OTOGL: variants seen among roughly 807,000 people sequenced by gnomAD.
OTOGL encodes the protein otogelin like.
A neutral mutation model predicts 318.5 loss-of-function variants in OTOGL; 285 were observed. That is an observed-to-expected ratio of 0.89 (90% CI 0.81 to 0.99). The LOEUF is 0.99. Among genes scored for constraint, OTOGL ranks in the 50% least tolerant of loss-of-function variants. The pLI is 0.00. For synonymous variants in OTOGL, 987 were observed against 936.5 expected, an observed-to-expected ratio of 1.05 and a Z score of -0.99; for missense variants, 2,899 against 2,845.6, an observed-to-expected ratio of 1.02 and a Z score of -0.43.
chr12:80,186,677 C>T (rs1292993896), intron 1 of OTOGL, among the ~76,000 whole-genome samples: 2 of 152,086 alleles, frequency 1.3e-5, no homozygotes, highest in Admixed American at 6.6e-5. Context: ...TAACTGCTCT[C>T]CCCAACTCTT....
At chr12:80,338,320 A>G (rs1888536882) in intron 42 of OTOGL, among the ~76,000 whole-genome samples, 1 of 152,054 alleles carries the variant, frequency 6.6e-6, no homozygotes. Flanking sequence ...CTTAAAGAAT[A>G]AGTAGAAAGA....
chr12:80,251,618 G>A, intron 11 of OTOGL, 75 bp from the exon 12 acceptor site: 1 of 1,132,116 alleles, frequency 8.8e-7, no homozygotes, highest in South Asian at 1.4e-5. Flanking sequence ...AGCATTTCTA[G>A]GGATCAGGAC....
chr12:80,135,213 T>C (rs920448443), intron 1 of OTOGL, among the ~76,000 whole-genome samples: 8 of 149,398 alleles, frequency 5.4e-5, no homozygotes, highest in African/African-American at 9.8e-5. Context: ...TTGTAGTCCA[T>C]TACAAATCTC....
chr12:80,224,927 T>A (rs1878689210), intron 7 of OTOGL, among the ~76,000 whole-genome samples: 1 of 152,078 alleles, frequency 6.6e-6, no homozygotes, highest in Admixed American at 6.6e-5. Context: ...AAAGGATAAA[T>A]GTTTGAGGGG....
In OTOGL at chr12:80,318,703, GA is replaced by G; in HGVS notation, c.3794del (p.Lys1265ArgfsTer5). 2 of 1,283,006 alleles carry G rather than the reference GA, an allele frequency of 1.6e-6. No individual in the cohort carries two copies. The highest frequency in any genetic ancestry group is 2.0e-6 in the Non-Finnish European group (2 of 999,802). 79.5% of individuals were successfully genotyped at this position (1,283,006 alleles called of 1,614,324 possible). A position where few individuals can be genotyped will look rare whatever the true frequency, so the allele number is the denominator to read the frequency against. The part of the protein sequence containing the change: ...FMITPGLFKE[K>X]VSSLALVSLE... Reference sequence around the variant, plus strand: ...TGATCACTCCAGGCCTTTTCAAAGAGAAGGTATCATGTAAGTATAATTGAAA... The same window carrying G: ...TGATCACTCCAGGCCTTTTCAAAGAGAGGTATCATGTAAGTATAATTGAAA... On this transcript the variant is annotated frameshift_variant, in exon 33 of 59. Transcript: ENST00000547103. LOFTEE classifies it high-confidence loss of function.
At chr12:80,152,070 C>A (rs1872819178) in intron 1 of OTOGL, among the ~76,000 whole-genome samples, 1 of 152,152 alleles carries the variant, frequency 6.6e-6, no homozygotes, top group Non-Finnish European at 1.5e-5. Context: ...GAGAACAGTA[C>A]ATTCCATCTT....
At chr12:80,329,502 A>C (rs1887933640) in intron 37 of OTOGL, among the ~76,000 whole-genome samples, 1 of 152,216 alleles carries the variant, frequency 6.6e-6, no homozygotes, top group Non-Finnish European at 1.5e-5. Flanking sequence ...GTTTGATTAA[A>C]TCCCACTTAG....
In OTOGL at chr12:80,356,404, T is replaced by C. The variant is rs541943584; in HGVS notation, c.5807-12T>C. ...TGTTCACTAATATTTTAACAGTTTT[T>C]CTTATTTATAGGATGTGACACGACT... is the stretch of plus-strand genomic sequence containing the variant. On this transcript the variant is annotated splice_polypyrimidine_tract_variant and intron_variant, in intron 47 of 58. Coordinates refer to ENST00000547103, the MANE Select transcript of OTOGL (RefSeq NM_001378609.3). 1.1e-4 allele frequency: 177 copies of C among 1,593,406 alleles called. No homozygotes were observed. In the East Asian group the frequency reaches 3.9e-3, roughly 36 times the overall value.
At chr12:80,229,502 G>A in intron 8 of OTOGL, 124 bp downstream of exon 8, 3 of 1,294,630 alleles carry the variant, frequency 2.3e-6, no homozygotes, top group Non-Finnish European at 3.2e-6. Flanking sequence ...TACTCTTAAA[G>A]CTATAACATA....
At chr12:80,112,558 G>T (rs1227532278) in intron 1 of OTOGL, among the ~76,000 whole-genome samples, 1 of 152,100 alleles carries the variant, frequency 6.6e-6, no homozygotes, top group African/African-American at 2.4e-5. Flanking sequence ...ATTGATTTGT[G>T]CATGTTGAAC....
chr12:80,178,521 A>G (rs965022973), intron 1 of OTOGL, among the ~76,000 whole-genome samples: 1 of 152,156 alleles, frequency 6.6e-6, no homozygotes, highest in Non-Finnish European at 1.5e-5. Context: ...TATAAACTCT[A>G]GATGCCTTGG....
chr12:80,218,508 G>A (rs2137338710), intron 5 of OTOGL, among the ~76,000 whole-genome samples: 1 of 152,262 alleles, frequency 6.6e-6, no homozygotes, highest in Non-Finnish European at 1.5e-5. Context: ...TTCTCCTCAT[G>A]TGTTAAATTC....
chr12:80,159,980 A>G (rs778335366), intron 1 of OTOGL, among the ~76,000 whole-genome samples: 14 of 152,088 alleles, frequency 9.2e-5, no homozygotes, highest in Non-Finnish European at 1.8e-4. Flanking sequence ...GACAAAGCCA[A>G]TGGCATAAAG....
intron 1 of OTOGL, among the ~76,000 whole-genome samples, chr12:80,172,499 G>A (rs1456583163): frequency 6.6e-6 from 1 of 152,176 alleles, no homozygotes; most frequent in Non-Finnish European, 1.5e-5. Flanking sequence ...TGGTTCTGGA[G>A]AGGTGGGTGT....
At chr12:80,275,164 A>C (rs944336920) in intron 24 of OTOGL, among the ~76,000 whole-genome samples, 2 of 152,012 alleles carry the variant, frequency 1.3e-5, no homozygotes, top group African/African-American at 4.8e-5. Context: ...GGATCTGGGA[A>C]AAGAAAATTG....
At position 80,336,967 on chromosome 12, in the gene OTOGL, C is replaced by G; in HGVS notation, c.4823C>G (p.Pro1608Arg). The change falls in exon 42 of 59, where the codon CCC (proline) becomes CGC (arginine). Residue 1608 changes from proline (P) to arginine (R), a missense_variant. Transcript: ENST00000547103. ...LCFKKLNVTT[P>R]IHKIIVNRLA... ...TTTAAGAAGTTAAATGTGACAACAC[C>G]CATACATAAAATAATTGTCAATCGG... 1 of 1,593,420 alleles carries G rather than the reference C, an allele frequency of 6.3e-7. No individual in the cohort carries two copies. The highest frequency in any genetic ancestry group is 2.3e-5 in the East Asian group (1 of 44,310).
chr12:80,312,598 TAGACTAA>T (rs955842233), intron 30 of OTOGL, among the ~76,000 whole-genome samples: 25 of 152,140 alleles, frequency 1.6e-4, no homozygotes, highest in Non-Finnish European at 3.2e-4. Context: ...GCCACATAGG[TAGACTAA>T]AGTCTTGTTT....
intron 44 of OTOGL, among the ~76,000 whole-genome samples, chr12:80,342,974 C>G (rs1888876505): frequency 6.6e-6 from 1 of 152,106 alleles, no homozygotes; most frequent in South Asian, 2.1e-4. Flanking sequence ...CTCTGCCTCC[C>G]AGGTTCAAGT....
rs140334598 is a variant in OTOGL, at chr12:80,366,484, A to T, written c.6268-90A>T. 8.7e-3 allele frequency: 1,925 copies of T among 222,280 alleles called. 7 individuals are homozygous for T. The highest frequency in any genetic ancestry group is 0.022 in the African/African-American group (869 of 39,562). The allele number at this position is 222,280 out of a possible 1,614,324, so 13.8% of individuals were successfully genotyped here. A position where few individuals can be genotyped will look rare whatever the true frequency, so the allele number is the denominator to read the frequency against. On this transcript the variant is annotated intron_variant, in intron 52 of 58. Transcript: ENST00000547103. ...AGTATGTGTGTGTGTGTGTATATATATATATCAATTGTTTTATATATATAG... is the reference window on the plus strand; with the variant it reads ...AGTATGTGTGTGTGTGTGTATATATTTATATCAATTGTTTTATATATATAG...
Sources: gnomAD v4.1 joint callset for allele counts (sites outside exome capture counted in the v4.1 genomes callset) on GRCh38, gnomAD v4.1.1 for gene constraint, MANE v1.5 for transcripts, NCBI Gene and HGNC (gene_info 2026-07-23, HGNC 2026-07-21) for gene names.